COPA: variants seen among roughly 807,000 people sequenced by gnomAD.
The protein encoded by COPA is coat protein complex I subunit alpha, also known as coatomer subunit alpha.
Under a neutral mutation model 158.7 loss-of-function variants are expected in COPA, and 10 were observed. That is an observed-to-expected ratio of 0.06 (90% CI 0.04 to 0.11). COPA has a LOEUF of 0.11. COPA is among the 10% of genes least tolerant of loss of function. COPA has a pLI of 1.00. For synonymous variants in COPA, 462 were observed against 542.8 expected (o/e 0.85, Z 2.07); for missense variants, 1,065 against 1,536.7 (o/e 0.69, Z 5.13).
chr1:160,307,352 G>A, intron 13 of COPA, 107 bp from the exon 14 acceptor site: 2 of 1,007,306 alleles, frequency 2.0e-6, no homozygotes, highest in African/African-American at 1.6e-5. Flanking sequence ...TCTTGGCTTT[G>A]CCAGTTGAGC....
At chr1:160,321,609 G>A (rs1659331594) in intron 8 of COPA, among the ~76,000 whole-genome samples, 1 of 152,142 alleles carries the variant, frequency 6.6e-6, no homozygotes, top group Non-Finnish European at 1.5e-5. Flanking sequence ...CCAACATGGT[G>A]AAACCTCGTC....
In COPA at chr1:160,341,363, T is replaced by G. The variant is rs373178063; in HGVS notation, c.41-1069A>C. ...CATGGAAGTACATATAAACATAACCTCATTCTTTTTAACTACAAGGGACAA... is the reference window on the plus strand; with the variant it reads ...CATGGAAGTACATATAAACATAACCGCATTCTTTTTAACTACAAGGGACAA... On this transcript the variant is annotated intron_variant, in intron 1 of 32. Coordinates refer to ENST00000241704, the MANE Select transcript of COPA (RefSeq NM_004371.4). 8.5e-5 allele frequency among the ~76,000 whole-genome samples: 13 copies of G among 152,332 alleles called. No homozygotes were observed. The South Asian group carries it at 2.7e-3, about 32-fold the overall frequency.
intron 1 of COPA, 52 bp from the exon 2 acceptor site, chr1:160,340,346 C>T (rs753397665): frequency 1.8e-6 from 2 of 1,129,734 alleles, no homozygotes; most frequent in South Asian, 1.3e-5. Flanking sequence ...CATGATGTCA[C>T]CTTCTGTCAA....
chr1:160,291,434 T>C lies in COPA; in HGVS notation c.3321A>G (p.Thr1107=), dbSNP rs545705901. The C allele has an allele frequency of 3.1e-6, 5 of 1,614,188 alleles. No homozygotes were observed. The East Asian group carries it at 1.1e-4, about 36-fold the overall frequency. ...TGAGCTTGAAGAACAGATTGAGGGC[T>C]GTACGCAGCACCAGGATCATGTGCA... ...QPVHMILVLR[T]ALNLFFKLKN... The change falls in exon 31 of 33, where the codon ACA becomes ACG. Residue 1107 remains threonine, a synonymous_variant. Transcript: ENST00000241704.
rs1314405901 is a variant in COPA, at chr1:160,295,837, G to C, written c.2375C>G (p.Ala792Gly). The change falls in exon 23 of 33, where the codon GCC becomes GGC. Residue 792 changes from alanine (A) to glycine (G), a missense_variant. This residue lies in a region of COPA where 980 missense variants were observed against 1,357.8 expected (regional missense o/e 0.72). Transcript: ENST00000241704. ...AGGTGCAGGTGGCTGGAGCAGCTTGGCATTAGGGTCAATGTCTGGGATCTG... is the reference window on the plus strand; with the variant it reads ...AGGTGCAGGTGGCTGGAGCAGCTTGCCATTAGGGTCAATGTCTGGGATCTG... ...KETIPDIDPN[A>G]KLLQPPAPIM... The C allele has an allele frequency of 5.0e-6, 8 of 1,611,592 alleles. No homozygotes were observed. Among genetic ancestry groups the C allele is most frequent in the African/African-American group, 1.3e-5 (1 of 74,702 alleles).
chr1:160,297,272 A>T, intron 21 of COPA, 71 bp downstream of exon 21: 1 of 1,334,774 alleles, frequency 7.5e-7, no homozygotes, highest in South Asian at 1.2e-5. Flanking sequence ...CACTATACAC[A>T]GATTAACTCA....
chr1:160,315,329 G>T (rs1659094973), intron 8 of COPA, among the ~76,000 whole-genome samples: 1 of 152,236 alleles, frequency 6.6e-6, no homozygotes, highest in African/African-American at 2.4e-5. Context: ...GACAGGCAGA[G>T]AGAAAGCGGG....
chr1:160,309,118 T>C lies in COPA; in HGVS notation c.1202A>G (p.Asp401Gly). The stretch of plus-strand genomic sequence containing the variant: ...ACACTTACCATCAGGATTCTGGGAG[T>C]CAGCATCTTTAGGGATGGTGTACAG... ...YDLYTIPKDA[D>G]SQNPDAPEGK... Residue 401 changes from aspartate (D) to glycine (G), a missense_variant, in exon 13 of 33, where the codon GAC becomes GGC. Physicochemically the swap from Asp to Gly is moderately conservative, Grantham distance 94. This residue lies in a region of COPA where 980 missense variants were observed against 1,357.8 expected (regional missense o/e 0.72). Transcript: ENST00000241704. The C allele has an allele frequency of 6.2e-7, 1 of 1,613,292 alleles. No homozygotes were observed. Among genetic ancestry groups the C allele is most frequent in the Non-Finnish European group, 8.5e-7 (1 of 1,179,450 alleles).
Position 160,297,458 on chromosome 1 carries a change from C to T in COPA, c.2168-20G>A. 1 of 1,613,266 alleles carries T rather than the reference C, an allele frequency of 6.2e-7. No homozygotes were observed. The highest frequency in any genetic ancestry group is 8.5e-7 in the Non-Finnish European group (1 of 1,179,326). ...TCTCAGCTGCACCAAGTAAGAGACACCAAGTTAGGTCTTTTCTCTTAAGTT... is the reference window on the plus strand; with the variant it reads ...TCTCAGCTGCACCAAGTAAGAGACATCAAGTTAGGTCTTTTCTCTTAAGTT... On this transcript the variant is annotated intron_variant, in intron 20 of 32. Coordinates refer to ENST00000241704, the MANE Select transcript of COPA (RefSeq NM_004371.4).
chr1:160,327,588 T>C (rs1571178014), intron 6 of COPA, among the ~76,000 whole-genome samples: 1 of 151,748 alleles, frequency 6.6e-6, no homozygotes, highest in Middle Eastern at 3.4e-3. Context: ...CTGGGCACGG[T>C]GGCTCACACC....
chr1:160,316,607 G>A (rs773259597), intron 8 of COPA, among the ~76,000 whole-genome samples: 5 of 150,102 alleles, frequency 3.3e-5, no homozygotes, highest in Non-Finnish European at 7.4e-5. Flanking sequence ...AAAATTAGCC[G>A]GGTGTGGTGG....
chr1:160,326,093 TTTC>T (rs1158028642), intron 6 of COPA: 1 of 164,984 alleles, frequency 6.1e-6, no homozygotes, highest in Non-Finnish European at 1.3e-5. Flanking sequence ...CAGAAATTTT[TTTC>T]TTTTTTTTAA....
intron 8 of COPA, among the ~76,000 whole-genome samples, chr1:160,318,534 T>C (rs1659234895): frequency 8.7e-6 from 1 of 114,672 alleles, no homozygotes; most frequent in Non-Finnish European, 1.8e-5. Context: ...AGAAAACTTT[T>C]CAAGATATAA....
At chr1:160,339,146 G>GGCCCTTATTTCTCCTTATTT (rs1557877511) in intron 3 of COPA, among the ~76,000 whole-genome samples, 1 of 143,684 alleles carries the variant, frequency 7.0e-6, no homozygotes, top group African/African-American at 3.0e-5. Flanking sequence ...TCTCCTTATT[G>GGCCCTTATTTCTCCTTATTT]GCCATCTCAT....
intron 9 of COPA, 75 bp downstream of exon 9, chr1:160,313,915 C>A: frequency 7.4e-7 from 1 of 1,344,666 alleles, no homozygotes; most frequent in Non-Finnish European, 9.9e-7. Context: ...TGATGAGAGA[C>A]ATAAAGAAGT....
Position 160,330,790 on chromosome 1 carries a change from T to C in COPA, c.496+1658A>G, listed in dbSNP as rs139461477. On this transcript the variant is annotated intron_variant, in intron 6 of 32. Transcript: ENST00000241704. The stretch of plus-strand genomic sequence containing the variant: ...CAAACAAAGATCTATGAGGGGGGCC[T>C]TCCTTTCATAGAATGAAACATGTTT... 1.1e-4 allele frequency among the ~76,000 whole-genome samples: 16 copies of C among 152,316 alleles called. No individual in the cohort carries two copies. In the East Asian group the frequency reaches 3.1e-3, roughly 29 times the overall value.
chr1:160,312,701 CCA>C (rs1407306063), intron 10 of COPA, among the ~76,000 whole-genome samples: 1 of 152,180 alleles, frequency 6.6e-6, no homozygotes, highest in African/African-American at 2.4e-5. Context: ...TCACTGTGCT[CCA>C]ACTGGCCTCT....
chr1:160,318,492 C>CAAAAAAAAAAAAAAAAAAAAA (rs1184111001), intron 8 of COPA, among the ~76,000 whole-genome samples: 2 of 58,080 alleles, frequency 3.4e-5, no homozygotes, highest in Non-Finnish European at 5.7e-5. Context: ...AAAAAAAAAA[C>CAAAAAAAAAAAAAAAAAAAAA]AAAAAAAAAA....
At chr1:160,337,128 A>T (rs1237347798) in intron 3 of COPA, among the ~76,000 whole-genome samples, 1 of 152,158 alleles carries the variant, frequency 6.6e-6, no homozygotes, top group Non-Finnish European at 1.5e-5. Flanking sequence ...TTTTCCCCTT[A>T]TAGAGTTCAG....
Sources: allele counts gnomAD v4.1 joint callset (sites outside exome capture counted in the v4.1 genomes callset), GRCh38; gene constraint gnomAD v4.1.1; regional missense constraint gnomAD v4.1.1; transcripts MANE v1.5; gene names NCBI Gene and HGNC (gene_info 2026-07-23, HGNC 2026-07-21).